The following C8orf34 variants were observed in gnomAD, a reference collection of about 807,000 sequenced individuals.
The protein encoded by C8orf34 is chromosome 8 open reading frame 34.
In C8orf34, 65 loss-of-function variants were observed where a neutral mutation model predicts 68.3. The observed-to-expected ratio is 0.95, with a 90% CI of 0.78 to 1.17. The LOEUF is 1.17. C8orf34 is among the 50% of genes most tolerant of loss of function. The pLI, the probability that C8orf34 is intolerant of heterozygous loss-of-function variation, is 0.00. For missense variants in C8orf34, 664 were observed against 655.4 expected (o/e 1.01, Z -0.14); for synonymous variants, 244 against 241.2 (o/e 1.01, Z -0.11).
At chr8:68,545,889 A>G (rs60238913) in intron 7 of C8orf34, among the ~76,000 whole-genome samples, 14 of 152,048 alleles carry the variant, frequency 9.2e-5, no homozygotes, top group Non-Finnish European at 1.8e-4. Flanking sequence ...AATGTAGTAT[A>G]GAGTTTATAA....
chr8:68,553,375 A>T (rs1816141235), intron 7 of C8orf34, among the ~76,000 whole-genome samples: 1 of 120,036 alleles, frequency 8.3e-6, no homozygotes. Context: ...ACAGAGCGAG[A>T]CTCCATCTCA....
At chr8:68,762,735 T>C (rs572102145) in intron 10 of C8orf34, among the ~76,000 whole-genome samples, 4 of 152,228 alleles carry the variant, frequency 2.6e-5, no homozygotes, top group East Asian at 3.9e-4. Flanking sequence ...CTCTCTATGA[T>C]GTGGTTTGGC....
chr8:68,416,199 G>T (rs1215051516), intron 1 of C8orf34, among the ~76,000 whole-genome samples: 1 of 152,090 alleles, frequency 6.6e-6, no homozygotes, highest in East Asian at 1.9e-4. Context: ...ACTCCCAGCT[G>T]GTTAAAAATT....
chr8:68,380,872 A>G (rs1808001382), intron 1 of C8orf34, among the ~76,000 whole-genome samples: 1 of 152,204 alleles, frequency 6.6e-6, no homozygotes, highest in South Asian at 2.1e-4. Context: ...TTGTTTTGGG[A>G]AAACATTAAC....
At chr8:68,698,955 G>A (rs1451787216) in intron 8 of C8orf34, among the ~76,000 whole-genome samples, 1 of 152,044 alleles carries the variant, frequency 6.6e-6, no homozygotes, top group African/African-American at 2.4e-5. Flanking sequence ...GAGGATGGAT[G>A]GGAAGGGAAA....
intron 12 of C8orf34, among the ~76,000 whole-genome samples, chr8:68,810,650 G>A (rs1323981582): frequency 6.6e-6 from 1 of 152,140 alleles, no homozygotes; most frequent in Non-Finnish European, 1.5e-5. Context: ...GCATACAACT[G>A]GAGGGTGAGT....
At chr8:68,561,185 G>A (rs575319437) in intron 7 of C8orf34, among the ~76,000 whole-genome samples, 1 of 151,636 alleles carries the variant, frequency 6.6e-6, no homozygotes, top group African/African-American at 2.4e-5. Flanking sequence ...GTTTCCCCAT[G>A]TTTCCCAGAC....
intron 7 of C8orf34, chr8:68,534,679 G>A (rs1815387694): frequency 1.7e-5 from 17 of 985,264 alleles, no homozygotes; most frequent in Admixed American, 6.2e-5. Context: ...GGTATGGGCT[G>A]TTTTGCGATT....
intron 8 of C8orf34, among the ~76,000 whole-genome samples, chr8:68,703,090 T>C (rs1821066371): frequency 1.3e-5 from 2 of 152,168 alleles, no homozygotes; most frequent in Non-Finnish European, 2.9e-5. Context: ...TAGTCCATCT[T>C]CCTTAAGTCT....
chr8:68,413,910 T>C (rs994326928), intron 1 of C8orf34, among the ~76,000 whole-genome samples: 1 of 152,248 alleles, frequency 6.6e-6, no homozygotes, highest in African/African-American at 2.4e-5. Flanking sequence ...ACAATTGGAC[T>C]CTACACCTTT....
intron 9 of C8orf34, among the ~76,000 whole-genome samples, chr8:68,709,913 C>T (rs1284627198): frequency 6.6e-6 from 1 of 152,130 alleles, no homozygotes; most frequent in African/African-American, 2.4e-5. Flanking sequence ...TAGCAAAACA[C>T]AGTCCATACA....
chr8:68,483,558 T>G (rs1180290258), intron 4 of C8orf34, among the ~76,000 whole-genome samples: 2 of 152,070 alleles, frequency 1.3e-5, no homozygotes, highest in Non-Finnish European at 2.9e-5. Flanking sequence ...ATGGCAGGAT[T>G]TATGGTAAGT....
chr8:68,636,841 C>A (rs1192774593), intron 7 of C8orf34, among the ~76,000 whole-genome samples: 4 of 152,048 alleles, frequency 2.6e-5, no homozygotes, highest in Non-Finnish European at 5.9e-5. Flanking sequence ...ATTCAATGTA[C>A]CAGCATCATG....
At chr8:68,541,471 G>GA (rs1023281022) in intron 7 of C8orf34, among the ~76,000 whole-genome samples, 23 of 143,420 alleles carry the variant, frequency 1.6e-4, no homozygotes, top group African/African-American at 3.1e-4. Context: ...GTCTCAGAAA[G>GA]AAAAAAAAAA....
At chr8:68,774,991 T>C (rs1000715982) in intron 10 of C8orf34, among the ~76,000 whole-genome samples, 9 of 120,056 alleles carry the variant, frequency 7.5e-5, no homozygotes, top group South Asian at 2.5e-4. Flanking sequence ...GTGGCACATG[T>C]CTGTAGTCCC....
chr8:68,611,566 G>A (rs1818025015), intron 7 of C8orf34, among the ~76,000 whole-genome samples: 1 of 152,102 alleles, frequency 6.6e-6, no homozygotes, highest in Non-Finnish European at 1.5e-5. Flanking sequence ...CAGATAGGAA[G>A]AAAAACCACT....
chr8:68,690,818 A>G (rs1204477288), intron 8 of C8orf34, among the ~76,000 whole-genome samples: 2 of 152,088 alleles, frequency 1.3e-5, no homozygotes, highest in Non-Finnish European at 2.9e-5. Flanking sequence ...AGCTTGAACA[A>G]ATAGAGGCAA....
intron 8 of C8orf34, among the ~76,000 whole-genome samples, chr8:68,705,746 A>G (rs1188721194): frequency 6.6e-6 from 1 of 151,904 alleles, no homozygotes; most frequent in Non-Finnish European, 1.5e-5. Context: ...TTTTTTTAAG[A>G]CTGAAAGAGA....
At chr8:68,455,309 T>C (rs529818237) in intron 3 of C8orf34, among the ~76,000 whole-genome samples, 60 of 152,278 alleles carry the variant, frequency 3.9e-4, no homozygotes, top group African/African-American at 1.3e-3. Context: ...CTTCCTTCTA[T>C]TTGCTCCGTT....
Sources: gnomAD v4.1 joint callset for allele counts (sites outside exome capture counted in the v4.1 genomes callset) on GRCh38, gnomAD v4.1.1 for gene constraint, MANE v1.5 for transcripts, NCBI Gene and HGNC (gene_info 2026-07-23, HGNC 2026-07-21) for gene names.